NRXN1: variants seen among roughly 807,000 people sequenced by gnomAD.
NRXN1 encodes neurexin-1.
NRXN1 carries 39 observed loss-of-function variants against 150.9 expected under a neutral mutation model. The ratio of observed to expected loss-of-function variants is 0.26; its 90% CI spans 0.20 to 0.34. The LOEUF (loss-of-function observed/expected upper bound fraction) is 0.34, where lower values mean the gene tolerates loss of function less well. NRXN1 is among the 10% of genes least tolerant of loss of function. The pLI is 1.00. For missense variants in NRXN1, 1,815 were observed against 1,949.9 expected (o/e 0.93, Z 1.30); for synonymous variants, 924 against 757.0 (o/e 1.22, Z -3.62).
At chr2:49,945,012 A>G (rs1445773359) in intron 21 of NRXN1, 1 of 152,158 alleles carries the variant, frequency 6.6e-6, no homozygotes, top group African/African-American at 2.4e-5. Flanking sequence ...ACTTTTATAG[A>G]AAGTATTAGG....
At chr2:50,982,413 C>A (rs957438094) in intron 2 of NRXN1, among the ~76,000 whole-genome samples, 1 of 152,094 alleles carries the variant, frequency 6.6e-6, no homozygotes, top group Non-Finnish European at 1.5e-5. Flanking sequence ...ATTTGGACTT[C>A]ACAGCAGAAT....
intron 17 of NRXN1, among the ~76,000 whole-genome samples, chr2:50,291,507 C>T (rs1181910286): frequency 6.6e-6 from 1 of 152,078 alleles, no homozygotes; most frequent in Non-Finnish European, 1.5e-5. Context: ...AACCCATGAA[C>T]CCAGCTCTAG....
intron 2 of NRXN1, among the ~76,000 whole-genome samples, chr2:50,979,461 C>G (rs1441536185): frequency 6.6e-6 from 1 of 152,052 alleles, no homozygotes; most frequent in Non-Finnish European, 1.5e-5. Context: ...AGATGTGCAA[C>G]ATATAAGAGT....
chr2:50,979,174 A>T, intron 2 of NRXN1: 1 of 490,790 alleles, frequency 2.0e-6, no homozygotes, highest in African/African-American at 2.0e-5. Context: ...TTACATGGTC[A>T]TCGTATGTAA....
intron 18 of NRXN1, among the ~76,000 whole-genome samples, chr2:50,229,485 C>A (rs1157195273): frequency 3.9e-5 from 6 of 151,994 alleles, no homozygotes; most frequent in Non-Finnish European, 1.5e-5. Context: ...TTCTGCAAAG[C>A]CTCCTTAATA....
intron 19 of NRXN1, among the ~76,000 whole-genome samples, chr2:50,063,803 A>T (rs976168728): frequency 2.8e-4 from 43 of 152,090 alleles, no homozygotes; most frequent in Non-Finnish European, 5.9e-5. Context: ...AGCAGGAACC[A>T]TGTCTGTCTT....
chr2:50,931,385 C>T (rs996302962), intron 2 of NRXN1, among the ~76,000 whole-genome samples: 1 of 151,988 alleles, frequency 6.6e-6, no homozygotes, highest in Non-Finnish European at 1.5e-5. Flanking sequence ...AAAAATATGA[C>T]TAAACCACAT....
At chr2:50,808,252 G>T (rs1667765378) in intron 5 of NRXN1, among the ~76,000 whole-genome samples, 1 of 151,996 alleles carries the variant, frequency 6.6e-6, no homozygotes. Flanking sequence ...TCATGTTATG[G>T]ATAAAGAAGC....
In NRXN1 at chr2:50,592,539, G is replaced by A. The variant is rs142631243; in HGVS notation, c.1320+27483C>T. 2.0e-4 allele frequency among the ~76,000 whole-genome samples: 31 copies of A among 152,342 alleles called. No homozygotes were observed. In the East Asian group the frequency reaches 5.8e-3, roughly 28 times the overall value. Reference sequence around the variant, plus strand: ...GTTCTCTTAGCTTGTGGCAGGCAATGAGTCAGGAGAGGTAACTTTTGGAAC... The same window carrying A: ...GTTCTCTTAGCTTGTGGCAGGCAATAAGTCAGGAGAGGTAACTTTTGGAAC... On this transcript the variant is annotated intron_variant, in intron 8 of 22. Transcript: ENST00000401669.
intron 13 of NRXN1, among the ~76,000 whole-genome samples, chr2:50,503,168 C>T (rs2092039452): frequency 6.6e-6 from 1 of 151,852 alleles, no homozygotes; most frequent in African/African-American, 2.4e-5. Flanking sequence ...ATTAGCTGGG[C>T]ATGATAGCAT....
chr2:50,918,881 T>G (rs2104232336), intron 5 of NRXN1: 1 of 197,776 alleles, frequency 5.1e-6, no homozygotes, highest in Non-Finnish European at 1.0e-5. Context: ...ACTATTTGAA[T>G]CCATCTACCC....
At chr2:50,316,053 GA>G (rs1164825742) in intron 17 of NRXN1, among the ~76,000 whole-genome samples, 3 of 152,048 alleles carry the variant, frequency 2.0e-5, no homozygotes. Context: ...TAAGAAAGGA[GA>G]AAATGATTAC....
rs150276383 is a variant in NRXN1, at chr2:50,922,211, C to T, written c.821-331G>A. On this transcript the variant is annotated intron_variant, in intron 4 of 22. Coordinates refer to ENST00000401669, the MANE Select transcript of NRXN1 (RefSeq NM_001330078.2). Reference sequence around the variant, plus strand: ...AACACTATACTCAGCATTCTACAAGCCAGAAGCCAAAGATGTCTGCATGTT... The same window carrying T: ...AACACTATACTCAGCATTCTACAAGTCAGAAGCCAAAGATGTCTGCATGTT... Among the ~76,000 whole-genome samples, 182 of 151,882 alleles carry T rather than the reference C, an allele frequency of 1.2e-3. 1 individual carries two copies. Among genetic ancestry groups the T allele is most frequent in the African/African-American group, 4.1e-3 (169 of 41,492 alleles).
At chr2:49,981,333 TAGTCCATGGACA>T (rs888256259) in intron 21 of NRXN1, among the ~76,000 whole-genome samples, 18 of 151,512 alleles carry the variant, frequency 1.2e-4, no homozygotes, top group Non-Finnish European at 2.5e-4. Context: ...CAAAAAACCA[TAGTCCATGGACA>T]AGTCCATCAG....
intron 19 of NRXN1, among the ~76,000 whole-genome samples, chr2:50,059,667 T>G (rs895904912): frequency 2.0e-5 from 3 of 152,098 alleles, no homozygotes; most frequent in African/African-American, 4.8e-5. Context: ...AATGTTTTTG[T>G]GGGCTGAGCC....
chr2:50,282,269 C>A (rs2071561419), intron 17 of NRXN1, among the ~76,000 whole-genome samples: 1 of 152,084 alleles, frequency 6.6e-6, no homozygotes, highest in Non-Finnish European at 1.5e-5. Flanking sequence ...CAGTTTTAAG[C>A]CAAGGAGAGA....
At chr2:50,021,567 A>G (rs1687571747) in intron 21 of NRXN1, among the ~76,000 whole-genome samples, 1 of 152,204 alleles carries the variant, frequency 6.6e-6, no homozygotes, top group Non-Finnish European at 1.5e-5. Flanking sequence ...TCTAAGAAAT[A>G]AATTATTAGA....
chr2:49,923,409 A>C (rs1425653973), intron 22 of NRXN1, among the ~76,000 whole-genome samples: 1 of 152,178 alleles, frequency 6.6e-6, no homozygotes, highest in Non-Finnish European at 1.5e-5. Context: ...TAATGTATTA[A>C]AAATGCTACA....
intron 5 of NRXN1, among the ~76,000 whole-genome samples, chr2:50,801,885 A>G (rs1342805524): frequency 6.6e-6 from 1 of 152,150 alleles, no homozygotes; most frequent in Non-Finnish European, 1.5e-5. Context: ...AAACTATAAC[A>G]ATATCTTGGT....
Sources: gnomAD v4.1 joint callset for allele counts (sites outside exome capture counted in the v4.1 genomes callset) on GRCh38, gnomAD v4.1.1 for gene constraint, MANE v1.5 for transcripts, NCBI Gene and HGNC (gene_info 2026-07-23, HGNC 2026-07-21) for gene names.